Variants in TM4SF4 observed in about 807,000 individuals in gnomAD.
TM4SF4 encodes transmembrane 4 L six family member 4.
Under a neutral mutation model 24.1 loss-of-function variants are expected in TM4SF4, and 24 were observed. The ratio of observed to expected loss-of-function variants is 1.00; its 90% confidence interval spans 0.72 to 1.40. TM4SF4 has a LOEUF of 1.40. TM4SF4 is among the 40% of genes most tolerant of loss of function. The pLI is 0.00. For synonymous variants in TM4SF4, 113 were observed against 97.0 expected (o/e 1.17, Z -0.97); for missense variants, 254 against 254.2 (o/e 1.00, Z 0.01).
chr3:149,494,431 A>G (rs1002741731), intron 3 of TM4SF4, among the ~76,000 whole-genome samples: 2 of 152,342 alleles, frequency 1.3e-5, no homozygotes, highest in Admixed American at 6.5e-5. Flanking sequence ...AGGATTGCCA[A>G]TTCTTTCACC....
intron 3 of TM4SF4, among the ~76,000 whole-genome samples, chr3:149,494,397 G>T (rs1226523079): frequency 6.6e-6 from 1 of 152,286 alleles, no homozygotes; most frequent in East Asian, 1.9e-4. Context: ...TGCTGTGCAG[G>T]CTCTCCAAAG....
Position 149,487,612 on chromosome 3 carries a change from C to G in TM4SF4, c.265-7C>G. 2 of 1,614,014 alleles carry G rather than the reference C, an allele frequency of 1.2e-6. No homozygotes were observed. Among genetic ancestry groups the G allele is most frequent in the Non-Finnish European group, 1.7e-6 (2 of 1,179,892 alleles). ...AGAATGTGACTGTCTCTCTTCCTCT[C>G]TTTCAGATGTTCACCTCCACGATAT... On this transcript the variant is annotated splice_region_variant and splice_polypyrimidine_tract_variant and intron_variant, in intron 2 of 4. Coordinates refer to ENST00000305354, the MANE Select transcript of TM4SF4 (RefSeq NM_004617.4).
intron 3 of TM4SF4, among the ~76,000 whole-genome samples, chr3:149,496,607 A>G (rs999785325): frequency 5.3e-5 from 8 of 152,126 alleles, no homozygotes; most frequent in African/African-American, 1.9e-4. Context: ...CGCCTCTACC[A>G]AAAATACAAA....
At chr3:149,491,357 C>T (rs1417372642) in intron 3 of TM4SF4, among the ~76,000 whole-genome samples, 1 of 151,542 alleles carries the variant, frequency 6.6e-6, no homozygotes, top group Non-Finnish European at 1.5e-5. Flanking sequence ...CCCAGCTACT[C>T]CAGGTGCCTG....
At chr3:149,494,290 A>T (rs1734271430) in intron 3 of TM4SF4, among the ~76,000 whole-genome samples, 1 of 152,102 alleles carries the variant, frequency 6.6e-6, no homozygotes, top group Non-Finnish European at 1.5e-5. Flanking sequence ...CAGGAGTGGA[A>T]CTCATGATTT....
chr3:149,475,745 G>T (rs1733916222), intron 1 of TM4SF4, 78 bp from the exon 2 acceptor site: 5 of 1,234,000 alleles, frequency 4.1e-6, no homozygotes, highest in Non-Finnish European at 5.8e-6. Flanking sequence ...TGTGGATGGG[G>T]CTCCTTATAC....
At position 149,482,302 on chromosome 3, in the gene TM4SF4, G is replaced by A. The variant is rs1160078883; in HGVS notation, c.265-5317G>A. On this transcript the variant is annotated intron_variant, in intron 2 of 4. Transcript: ENST00000305354. Reference sequence around the variant, plus strand: ...AATCCATACCTTTGACAACAACACAGTAGTGTCCTTCTTCACCATTTATTC... The same window carrying A: ...AATCCATACCTTTGACAACAACACAATAGTGTCCTTCTTCACCATTTATTC... 3.9e-5 allele frequency among the ~76,000 whole-genome samples: 6 copies of A among 152,274 alleles called. No individual in the cohort carries two copies. In the East Asian group the frequency reaches 1.2e-3, roughly 29 times the overall value.
intron 3 of TM4SF4, among the ~76,000 whole-genome samples, chr3:149,498,478 G>A (rs1431297907): frequency 6.6e-6 from 1 of 152,148 alleles, no homozygotes; most frequent in Non-Finnish European, 1.5e-5. Context: ...AGAACCCAGA[G>A]GTTTCTTTGG....
rs373518368 is a variant in TM4SF4, at chr3:149,474,909, G to A, written c.32G>A (p.Gly11Glu). Residue 11 changes from glycine to glutamate, a missense_variant, in exon 1 of 5, where the codon GGG becomes GAG. Coordinates refer to ENST00000305354, the MANE Select transcript of TM4SF4 (RefSeq NM_004617.4). ...ACTGGGGGCTGTGCCAGATGCCTGG[G>A]GGGGACCCTCATTCCCCTTGCTTTT... MCTGGCARCL[G>E]GTLIPLAFFG... 1.9e-6 allele frequency: 3 copies of A among 1,613,824 alleles called. No homozygotes were observed. The African/African-American group carries it at 4.0e-5, about 22-fold the overall frequency.
At chr3:149,488,775 G>A (rs1017722487) in intron 3 of TM4SF4, among the ~76,000 whole-genome samples, 16 of 151,988 alleles carry the variant, frequency 1.1e-4, no homozygotes, top group Admixed American at 5.9e-4. Flanking sequence ...TTTGTTCACC[G>A]TCTCAGCCCC....
At chr3:149,483,412 C>A (rs1734066923) in intron 2 of TM4SF4, among the ~76,000 whole-genome samples, 1 of 151,724 alleles carries the variant, frequency 6.6e-6, no homozygotes, top group African/African-American at 2.4e-5. Context: ...ACCAGGAGTT[C>A]GAGACCAGCC....
At chr3:149,487,080 C>A (rs555356686) in intron 2 of TM4SF4, among the ~76,000 whole-genome samples, 1 of 152,182 alleles carries the variant, frequency 6.6e-6, no homozygotes, top group East Asian at 1.9e-4. Context: ...ATGGTGAAAC[C>A]CTGTCTCTAC....
chr3:149,491,852 G>A (rs1437401584), intron 3 of TM4SF4, among the ~76,000 whole-genome samples: 1 of 152,154 alleles, frequency 6.6e-6, no homozygotes, highest in African/African-American at 2.4e-5. Context: ...GCATGAAAAG[G>A]CTGACATGCT....
chr3:149,493,012 T>C (rs1576521365), intron 3 of TM4SF4, among the ~76,000 whole-genome samples: 1 of 152,146 alleles, frequency 6.6e-6, no homozygotes, highest in South Asian at 2.1e-4. Flanking sequence ...ATCTGTGAAA[T>C]GAATGGGAGT....
At position 149,487,757 on chromosome 3, in the gene TM4SF4, T is replaced by C. The variant is rs752544741; in HGVS notation, c.401+2T>C. Reference sequence around the variant, plus strand: ...ATGGGGCTACCCCTTCCACGACGGGTAAGGCCACACCCTGCAATGCCCACC... The same window carrying C: ...ATGGGGCTACCCCTTCCACGACGGGCAAGGCCACACCCTGCAATGCCCACC... On this transcript the variant is annotated splice_donor_variant, in intron 3 of 4. Coordinates refer to ENST00000305354, the MANE Select transcript of TM4SF4 (RefSeq NM_004617.4). LOFTEE classifies it high-confidence loss of function. The C allele has an allele frequency of 1.2e-6, 2 of 1,613,884 alleles. No individual in the cohort carries two copies. Among genetic ancestry groups the C allele is most frequent in the Middle Eastern group, 1.7e-4 (1 of 6,056 alleles).
At chr3:149,490,874 G>T (rs1734199000) in intron 3 of TM4SF4, among the ~76,000 whole-genome samples, 1 of 152,114 alleles carries the variant, frequency 6.6e-6, no homozygotes, top group Non-Finnish European at 1.5e-5. Context: ...TTACCAAAGG[G>T]CAGCCATGGT....
chr3:149,498,102 C>T (rs1305787315), intron 3 of TM4SF4, among the ~76,000 whole-genome samples: 1 of 152,102 alleles, frequency 6.6e-6, no homozygotes, highest in Non-Finnish European at 1.5e-5. Context: ...TGAGAGATTC[C>T]TACATGTTAA....
rs1381469638 is a variant in TM4SF4, at chr3:149,502,699, C to T, written c.*6C>T. ...AGGGAGATGGACCCGTTTAAACCTC[C>T]GAGATGAGCTGCTCAGACTCTACAG... is the stretch of plus-strand genomic sequence containing the variant. On this transcript the variant is annotated 3_prime_UTR_variant, in exon 5 of 5. Coordinates refer to ENST00000305354, the MANE Select transcript of TM4SF4 (RefSeq NM_004617.4). 18 of 1,592,708 alleles carry T rather than the reference C, an allele frequency of 1.1e-5. 1 individual carries two copies. Among genetic ancestry groups the T allele is most frequent in the Middle Eastern group, 3.3e-4 (2 of 6,040 alleles).
intron 3 of TM4SF4, among the ~76,000 whole-genome samples, chr3:149,488,195 A>G (rs901587014): frequency 6.6e-6 from 1 of 152,250 alleles, no homozygotes; most frequent in Non-Finnish European, 1.5e-5. Context: ...TTAAACAATC[A>G]TTTAAGTGCA....
Sources: gnomAD v4.1 joint callset for allele counts (sites outside exome capture counted in the v4.1 genomes callset) on GRCh38, gnomAD v4.1.1 for gene constraint, MANE v1.5 for transcripts, NCBI Gene and HGNC (gene_info 2026-07-23, HGNC 2026-07-21) for gene names.